BRAF: variants seen among roughly 807,000 people sequenced by gnomAD.
BRAF encodes serine/threonine-protein kinase B-raf.
Under a neutral mutation model 104.6 loss-of-function variants are expected in BRAF, and 16 were observed. That is an observed-to-expected ratio of 0.15 (90% CI 0.10 to 0.23). The LOEUF is 0.23. BRAF is among the 10% of genes least tolerant of loss of function. BRAF has a pLI of 1.00. For missense variants in BRAF, 541 were observed against 937.3 expected, an observed-to-expected ratio of 0.58 and a Z score of 5.52; for synonymous variants, 310 against 341.6, an observed-to-expected ratio of 0.91 and a Z score of 1.02.
Position 140,722,586 on chromosome 7 carries a change from C to A in BRAF, c.*3908G>T. 1 of 1,055,026 alleles carries A rather than the reference C, an allele frequency of 9.5e-7. No homozygotes were observed. Among genetic ancestry groups the A allele is most frequent in the Non-Finnish European group, 1.1e-6 (1 of 872,796 alleles). The allele number at this position is 1,055,026 out of a possible 1,614,324, so 65.4% of individuals were successfully genotyped here. A position where few individuals can be genotyped will look rare whatever the true frequency, so the allele number is the denominator to read the frequency against. ...TATAGCCTAATGGTTGGAATCTGCTCGTCTCAAGGTGCTGGTATTCCTAGC... is the reference window on the plus strand; with the variant it reads ...TATAGCCTAATGGTTGGAATCTGCTAGTCTCAAGGTGCTGGTATTCCTAGC... On this transcript the variant is annotated 3_prime_UTR_variant, in exon 20 of 20. Coordinates refer to ENST00000644969, the MANE Select transcript of BRAF (RefSeq NM_001374258.1).
At position 140,719,788 on chromosome 7, in the gene BRAF, A is replaced by T; in HGVS notation, c.*6706T>A. 3.8e-6 allele frequency: 4 copies of T among 1,062,888 alleles called. No homozygotes were observed. The highest frequency in any genetic ancestry group is 4.6e-6 in the Non-Finnish European group (4 of 877,796). 65.8% of individuals were successfully genotyped at this position (1,062,888 alleles called of 1,614,324 possible). ...GCAGGTATAGAGAGGTCTGTGGACA[A>T]TTAAAAAGTCCCCATCTTTTCACTG... is the stretch of plus-strand genomic sequence containing the variant. On this transcript the variant is annotated 3_prime_UTR_variant, in exon 20 of 20. Coordinates refer to ENST00000644969, the MANE Select transcript of BRAF (RefSeq NM_001374258.1).
intron 1 of BRAF, among the ~76,000 whole-genome samples, chr7:140,895,728 T>C (rs965958775): frequency 2.0e-5 from 3 of 152,240 alleles, no homozygotes; most frequent in Non-Finnish European, 4.4e-5. Context: ...TGTCCTCCAG[T>C]TCCAATCATG....
chr7:140,842,555 A>G (rs1328748692), intron 2 of BRAF, among the ~76,000 whole-genome samples: 1 of 152,196 alleles, frequency 6.6e-6, no homozygotes. Flanking sequence ...TACAGAAAGA[A>G]GAATCTACTA....
chr7:140,842,433 C>T (rs952280359), intron 2 of BRAF, among the ~76,000 whole-genome samples: 1 of 152,162 alleles, frequency 6.6e-6, no homozygotes, highest in African/African-American at 2.4e-5. Flanking sequence ...CTGTCTTCAT[C>T]AGTCTACAGG....
intron 2 of BRAF, chr7:140,835,417 T>C (rs1002207202): frequency 3.8e-5 from 6 of 158,334 alleles, no homozygotes; most frequent in African/African-American, 9.6e-5. Context: ...ACCTCCTTAA[T>C]AGGGTTTAGA....
intron 1 of BRAF, among the ~76,000 whole-genome samples, chr7:140,880,774 T>C (rs1812805718): frequency 1.3e-5 from 2 of 151,060 alleles, no homozygotes; most frequent in Admixed American, 1.3e-4. Flanking sequence ...TTTGTGAGAC[T>C]AGCCTGGGAA....
intron 18 of BRAF, among the ~76,000 whole-genome samples, chr7:140,739,015 G>T (rs1416777343): frequency 6.7e-6 from 1 of 150,326 alleles, no homozygotes; most frequent in Non-Finnish European, 1.5e-5. Context: ...GTAAAGGCAG[G>T]CTGAGCTGAC....
At chr7:140,726,610 C>G (rs1464513497) in intron 19 of BRAF, 1 of 1,104,952 alleles carries the variant, frequency 9.1e-7, no homozygotes, top group Non-Finnish European at 1.3e-6. Context: ...TGAAAAGTAA[C>G]TAGTTATATA....
At chr7:140,853,542 G>C (rs1809429531) in intron 1 of BRAF, among the ~76,000 whole-genome samples, 2 of 152,052 alleles carry the variant, frequency 1.3e-5, no homozygotes, top group Admixed American at 1.3e-4. Flanking sequence ...TGGCCTAACT[G>C]AACGTGCCAA....
At chr7:140,730,198 T>C (rs1290130116) in intron 19 of BRAF, among the ~76,000 whole-genome samples, 1 of 151,912 alleles carries the variant, frequency 6.6e-6, no homozygotes, top group African/African-American at 2.4e-5. Flanking sequence ...CTACCCGTCT[T>C]CTATTTGAAG....
At chr7:140,873,076 T>C (rs1811792608) in intron 1 of BRAF, among the ~76,000 whole-genome samples, 1 of 150,946 alleles carries the variant, frequency 6.6e-6, no homozygotes, top group Admixed American at 6.6e-5. Context: ...AAAGCAACTA[T>C]AAAGCTGGAC....
the BRAF span, among the ~76,000 whole-genome samples, chr7:140,714,324 T>C: frequency 6.6e-6 from 1 of 152,194 alleles, no homozygotes; most frequent in African/African-American, 2.4e-5. Context: ...ACTTTCCAAC[T>C]CTCTGAGACT....
chr7:140,816,278 C>T (rs1208075093), intron 3 of BRAF, among the ~76,000 whole-genome samples: 1 of 152,166 alleles, frequency 6.6e-6, no homozygotes, highest in East Asian at 1.9e-4. Context: ...TACACAGAAA[C>T]TGAATGGATC....
In BRAF at chr7:140,871,232, T is replaced by G. The variant is rs567343333; in HGVS notation, c.139-21020A>C. 1.1e-4 allele frequency among the ~76,000 whole-genome samples: 10 copies of G among 95,000 alleles called. No homozygotes were observed. In the Admixed American group the frequency reaches 1.3e-3, roughly 12 times the overall value. 62.3% of individuals were successfully genotyped at this position (95,000 alleles called of 152,430 possible). On this transcript the variant is annotated intron_variant, in intron 1 of 19. Coordinates refer to ENST00000644969, the MANE Select transcript of BRAF (RefSeq NM_001374258.1). ...TCCAGCCTGGGGGACAGAGCAAGAC[T>G]CCGTCTCAAAAAAAAAAAAAAAAAA...
At chr7:140,750,787 A>G (rs1797725314) in intron 16 of BRAF, among the ~76,000 whole-genome samples, 1 of 129,424 alleles carries the variant, frequency 7.7e-6, no homozygotes, top group South Asian at 2.4e-4. Context: ...AATCAGATGA[A>G]CTTTTTTTTT....
intron 3 of BRAF, among the ~76,000 whole-genome samples, chr7:140,825,246 G>T (rs1435530472): frequency 6.6e-6 from 1 of 152,104 alleles, no homozygotes; most frequent in Non-Finnish European, 1.5e-5. Flanking sequence ...GGGATTACAG[G>T]CATGAGCCTC....
chr7:140,876,326 T>A (rs1220876809), intron 1 of BRAF, among the ~76,000 whole-genome samples: 1 of 152,174 alleles, frequency 6.6e-6, no homozygotes, highest in Admixed American at 6.6e-5. Context: ...AGTTAAGAAT[T>A]TTTAAGCCAC....
At chr7:140,871,069 T>C (rs950980951) in intron 1 of BRAF, among the ~76,000 whole-genome samples, 8 of 148,034 alleles carry the variant, frequency 5.4e-5, no homozygotes, top group African/African-American at 2.0e-4. Context: ...CTACTAAAAA[T>C]ACAAAAAAAA....
intron 1 of BRAF, among the ~76,000 whole-genome samples, chr7:140,902,646 A>G (rs1218607940): frequency 6.6e-6 from 1 of 152,210 alleles, no homozygotes; most frequent in Non-Finnish European, 1.5e-5. Context: ...TAAGAAAGCA[A>G]AACAGGCCGG....
Sources: allele counts gnomAD v4.1 joint callset (sites outside exome capture counted in the v4.1 genomes callset), GRCh38; gene constraint gnomAD v4.1.1; transcripts MANE v1.5; gene names NCBI Gene and HGNC (gene_info 2026-07-23, HGNC 2026-07-21).